The following ATAD1 variants were observed in gnomAD, a reference collection of about 807,000 sequenced individuals.
ATAD1 encodes the protein ATPase family AAA domain containing 1, also known as outer mitochondrial transmembrane helix translocase.
Under a neutral mutation model 42.7 loss-of-function variants are expected in ATAD1, and 18 were observed. The ratio of observed to expected loss-of-function variants is 0.42; its 90% confidence interval spans 0.29 to 0.63. The LOEUF is 0.63. ATAD1 is among the 20% of genes least tolerant of loss of function. The pLI, the probability that ATAD1 is intolerant of heterozygous loss-of-function variation, is 0.19. For synonymous variants in ATAD1, 132 were observed against 143.1 expected, an observed-to-expected ratio of 0.92 and a Z score of 0.55; for missense variants, 294 against 440.4, an observed-to-expected ratio of 0.67 and a Z score of 2.98.
intron 1 of ATAD1, among the ~76,000 whole-genome samples, chr10:87,830,715 C>G (rs1426426937): frequency 6.6e-6 from 1 of 152,154 alleles, no homozygotes; most frequent in Non-Finnish European, 1.5e-5. Context: ...TCAGCATAAT[C>G]CAATTTATTG....
intron 2 of ATAD1, among the ~76,000 whole-genome samples, chr10:87,798,390 G>A (rs1003482425): frequency 6.6e-6 from 1 of 152,134 alleles, no homozygotes; most frequent in African/African-American, 2.4e-5. Flanking sequence ...AAGTAACATG[G>A]TCTTTGTGCA....
chr10:87,795,465 G>GT (rs60783935), intron 2 of ATAD1, among the ~76,000 whole-genome samples: 49,885 of 143,484 alleles, frequency 0.35, 9,607 homozygotes, highest in East Asian at 0.57. Context: ...TGGTTTGCTT[G>GT]TTTTTTTTTT....
intron 8 of ATAD1, among the ~76,000 whole-genome samples, chr10:87,757,648 T>A (rs1286872562): frequency 6.6e-6 from 1 of 152,194 alleles, no homozygotes; most frequent in African/African-American, 2.4e-5. Context: ...GAGCCAGGAT[T>A]TGAACACAAT....
chr10:87,803,251 C>T (rs1856784553), intron 2 of ATAD1, among the ~76,000 whole-genome samples: 1 of 152,144 alleles, frequency 6.6e-6, no homozygotes. Context: ...AGGAATAAAC[C>T]ATCCTAGCCA....
rs371660355 is a variant in ATAD1 at position 87,815,427 on chromosome 10, C to G, written c.-13-815G>C. Among the ~76,000 whole-genome samples, 28 of 152,122 alleles carry G rather than the reference C, an allele frequency of 1.8e-4. No individual in the cohort carries two copies. The East Asian group carries it at 5.0e-3, about 27-fold the overall frequency. ...AGCTTGTTAGGGATGATATGACTAT[C>G]ACATTTTGGGAGATAGGATCTTAGC... On this transcript the variant is annotated intron_variant, in intron 1 of 9. Coordinates refer to ENST00000680024, the MANE Select transcript of ATAD1 (RefSeq NM_001321967.2).
intron 5 of ATAD1, among the ~76,000 whole-genome samples, chr10:87,780,682 A>G (rs546852865): frequency 2.6e-5 from 4 of 152,260 alleles, no homozygotes; most frequent in African/African-American, 7.2e-5. Context: ...GGAACTGAAC[A>G]TAAGAGTTGG....
intron 1 of ATAD1, among the ~76,000 whole-genome samples, chr10:87,831,303 C>T (rs575136741): frequency 6.6e-6 from 1 of 152,318 alleles, no homozygotes; most frequent in East Asian, 1.9e-4. Flanking sequence ...ATCCCATGTT[C>T]AGAGAACCCT....
chr10:87,769,113 TACTA>T (rs954001446), intron 7 of ATAD1, among the ~76,000 whole-genome samples: 3 of 152,224 alleles, frequency 2.0e-5, no homozygotes, highest in African/African-American at 4.8e-5. Context: ...TTGTCCATTG[TACTA>T]ACTATTGGAT....
At chr10:87,819,985 T>A (rs531362172), upstream of ATAD1, among the ~76,000 whole-genome samples, 11 of 149,884 alleles carry the variant, frequency 7.3e-5, no homozygotes, top group East Asian at 1.9e-4. Flanking sequence ...ATTCCTAATT[T>A]AAAAAAAAAA....
chr10:87,803,891 A>G (rs1856811411), intron 2 of ATAD1, among the ~76,000 whole-genome samples: 1 of 151,942 alleles, frequency 6.6e-6, no homozygotes, highest in African/African-American at 2.4e-5. Flanking sequence ...TTTCCTCATC[A>G]CTTGTATCTA....
intron 8 of ATAD1, among the ~76,000 whole-genome samples, chr10:87,758,611 T>A (rs1228101907): frequency 2.0e-5 from 3 of 152,098 alleles, no homozygotes. Context: ...TTGTGTTACA[T>A]TTGAAATAAA....
intron 6 of ATAD1, among the ~76,000 whole-genome samples, chr10:87,772,200 A>C (rs1855074263): frequency 6.6e-6 from 1 of 151,788 alleles, no homozygotes; most frequent in Non-Finnish European, 1.5e-5. Flanking sequence ...ATTTTTCTTT[A>C]TTTTCTTTCT....
At position 87,756,944 on chromosome 10, in the gene ATAD1, G is replaced by A. The variant is rs377546742; in HGVS notation, c.832-22C>T. 4 of 1,558,200 alleles carry A rather than the reference G, an allele frequency of 2.6e-6. No individual in the cohort carries two copies. The African/African-American group carries it at 4.2e-5, about 16-fold the overall frequency. On this transcript the variant is annotated intron_variant, in intron 8 of 9. Transcript: ENST00000680024. Reference sequence around the variant, plus strand: ...CCACCTTAAACAAATATAAAAACATGCTTAAAAAACAAAAATAAATATATT... The same window carrying A: ...CCACCTTAAACAAATATAAAAACATACTTAAAAAACAAAAATAAATATATT...
chr10:87,807,140 T>C (rs1252782043), intron 2 of ATAD1, among the ~76,000 whole-genome samples: 1 of 152,202 alleles, frequency 6.6e-6, no homozygotes, highest in African/African-American at 2.4e-5. Flanking sequence ...TCTTTTGTTA[T>C]AGAGGCCCAA....
intron 1 of ATAD1, among the ~76,000 whole-genome samples, chr10:87,817,614 T>A (rs1367951595): frequency 6.6e-6 from 1 of 152,192 alleles, no homozygotes. Context: ...AACTCAAAAG[T>A]CCCAGTTTTG....
At chr10:87,757,041 T>C (rs965582537) in intron 8 of ATAD1, 119 bp from the exon 9 acceptor site, 1 of 777,504 alleles carries the variant, frequency 1.3e-6, no homozygotes, top group South Asian at 4.4e-5. Flanking sequence ...GGAGAAACAA[T>C]AGTTTCTAGA....
Position 87,814,537 on chromosome 10 carries a change from GA to G in ATAD1, c.62del (p.Phe21SerfsTer3). ...LSRNEVVGLI[F>X]RLTIFGAVTY... ...TCACTGCACCAAATATTGTCAAACG[GA>G]AAATTAAACCAACAACTTCATTCCG... is the stretch of plus-strand genomic sequence containing the variant. On this transcript the variant is annotated frameshift_variant, in exon 2 of 10. Coordinates refer to ENST00000680024, the MANE Select transcript of ATAD1 (RefSeq NM_001321967.2). LOFTEE classifies it high-confidence loss of function. The G allele has an allele frequency of 6.2e-7, 1 of 1,611,756 alleles. No individual in the cohort carries two copies. Among genetic ancestry groups the G allele is most frequent in the Non-Finnish European group, 8.5e-7 (1 of 1,178,938 alleles).
intron 5 of ATAD1, among the ~76,000 whole-genome samples, chr10:87,778,313 A>G (rs1855408845): frequency 6.6e-6 from 1 of 151,930 alleles, no homozygotes; most frequent in South Asian, 2.1e-4. Context: ...ATGCTTGCTT[A>G]GAAGAAACAT....
intron 2 of ATAD1, among the ~76,000 whole-genome samples, chr10:87,810,305 C>T (rs573049618): frequency 3.3e-4 from 50 of 151,292 alleles, no homozygotes; most frequent in African/African-American, 1.0e-3. Flanking sequence ...ATCTAGTATT[C>T]GGTTTATTTT....
Sources: gnomAD v4.1 joint callset for allele counts (sites outside exome capture counted in the v4.1 genomes callset) on GRCh38, gnomAD v4.1.1 for gene constraint, MANE v1.5 for transcripts, NCBI Gene and HGNC (gene_info 2026-07-23, HGNC 2026-07-21) for gene names.